ZSWIM6: variants seen among roughly 807,000 people sequenced by gnomAD.
ZSWIM6 encodes zinc finger SWIM-type containing 6.
Under a neutral mutation model 113.2 loss-of-function variants are expected in ZSWIM6, and 9 were observed. The observed-to-expected ratio is 0.08, with a 90% CI of 0.05 to 0.14. The LOEUF (loss-of-function observed/expected upper bound fraction) is 0.14. ZSWIM6 is among the 10% of genes least tolerant of loss of function. ZSWIM6 has a pLI of 1.00. For missense variants in ZSWIM6, 1,162 were observed against 1,552.2 expected (o/e 0.75, Z 4.22); for synonymous variants, 611 against 606.5 (o/e 1.01, Z -0.11).
intron 3 of ZSWIM6, among the ~76,000 whole-genome samples, chr5:61,493,715 T>G (rs564918691): frequency 6.6e-6 from 1 of 152,304 alleles, no homozygotes; most frequent in South Asian, 2.1e-4. Flanking sequence ...CTTGCTTAAA[T>G]CTGTTTTGGT....
At chr5:61,437,854 G>A (rs1746742629) in intron 1 of ZSWIM6, among the ~76,000 whole-genome samples, 1 of 151,786 alleles carries the variant, frequency 6.6e-6, no homozygotes, top group African/African-American at 2.4e-5. Flanking sequence ...AGTAACTATG[G>A]TTAGTAACTT....
intron 1 of ZSWIM6, among the ~76,000 whole-genome samples, chr5:61,367,302 G>A (rs969191234): frequency 1.1e-4 from 16 of 151,972 alleles, no homozygotes; most frequent in Non-Finnish European, 2.2e-4. Context: ...TGTAGCCCAG[G>A]CTAGGTACAG....
chr5:61,355,558 A>G (rs1386819938), intron 1 of ZSWIM6, among the ~76,000 whole-genome samples: 1 of 152,132 alleles, frequency 6.6e-6, no homozygotes, highest in Non-Finnish European at 1.5e-5. Context: ...AGAGAACAAT[A>G]CATTTAAAGC....
intron 1 of ZSWIM6, chr5:61,375,897 G>A: frequency 1.2e-6 from 1 of 854,842 alleles, no homozygotes; most frequent in Non-Finnish European, 1.8e-6. Context: ...AAAGTGCAAT[G>A]TCTGAGGAAA....
At chr5:61,459,384 ATGCTT>A (rs1398354713) in intron 1 of ZSWIM6, among the ~76,000 whole-genome samples, 2 of 152,176 alleles carry the variant, frequency 1.3e-5, no homozygotes, top group Admixed American at 1.3e-4. Context: ...TATATTATAG[ATGCTT>A]TGCTTTCAGA....
chr5:61,454,560 T>C (rs1747159125), intron 1 of ZSWIM6, among the ~76,000 whole-genome samples: 1 of 147,256 alleles, frequency 6.8e-6, no homozygotes, highest in Non-Finnish European at 1.5e-5. Context: ...ACCGTGCCTA[T>C]CCCTAAGTTT....
intron 1 of ZSWIM6, among the ~76,000 whole-genome samples, chr5:61,344,691 G>A (rs1342345517): frequency 6.6e-6 from 1 of 152,154 alleles, no homozygotes; most frequent in Non-Finnish European, 1.5e-5. Context: ...ATAAAGTTGA[G>A]GTCAGAAGGA....
chr5:61,526,879 GA>G (rs1749300110), intron 7 of ZSWIM6, among the ~76,000 whole-genome samples: 1 of 152,148 alleles, frequency 6.6e-6, no homozygotes, highest in Non-Finnish European at 1.5e-5. Flanking sequence ...TAGAGTTGTT[GA>G]GAAGATTAAA....
chr5:61,480,989 C>T (rs575198176), intron 2 of ZSWIM6, among the ~76,000 whole-genome samples: 1 of 152,148 alleles, frequency 6.6e-6, no homozygotes, highest in Admixed American at 6.5e-5. Context: ...CTAAATTCTG[C>T]CTGAATAGGT....
intron 2 of ZSWIM6, among the ~76,000 whole-genome samples, chr5:61,478,081 G>T (rs1747752113): frequency 6.6e-6 from 1 of 152,130 alleles, no homozygotes. Context: ...TCCTAGGGAG[G>T]TAATTTGATT....
intron 7 of ZSWIM6, among the ~76,000 whole-genome samples, chr5:61,527,245 A>G (rs1011366152): frequency 2.6e-5 from 4 of 152,278 alleles, no homozygotes; most frequent in African/African-American, 9.6e-5. Flanking sequence ...TTCTATAGGT[A>G]TAAATTTTAT....
intron 1 of ZSWIM6, among the ~76,000 whole-genome samples, chr5:61,344,313 G>A (rs1404193560): frequency 6.6e-6 from 1 of 152,102 alleles, no homozygotes; most frequent in Non-Finnish European, 1.5e-5. Context: ...GTCTTTTCAC[G>A]ATTGTGGTTT....
At chr5:61,345,223 C>G (rs1391722714) in intron 1 of ZSWIM6, among the ~76,000 whole-genome samples, 1 of 152,138 alleles carries the variant, frequency 6.6e-6, no homozygotes, top group African/African-American at 2.4e-5. Context: ...ACAGTTATCC[C>G]TGTTCTCTTG....
rs2112011668 is a variant in ZSWIM6, at chr5:61,332,338, C to CGGA, written c.68_69insAGG (p.Gly26dup). 2 of 1,069,154 alleles carry CGGA rather than the reference C, an allele frequency of 1.9e-6. No homozygotes were observed. Among genetic ancestry groups the CGGA allele is most frequent in the Admixed American group, 5.3e-5 (1 of 18,944 alleles). The allele number at this position is 1,069,154 out of a possible 1,614,324, so 66.2% of individuals were successfully genotyped here. ...TTTGCTGCCGGCCGGGCGGCGGCGG[C>CGGA]GGCGGCGGGGGCAGCAGCGGCGGCG... On this transcript the variant is annotated inframe_insertion, in exon 1 of 14. Coordinates refer to ENST00000252744, the MANE Select transcript of ZSWIM6 (RefSeq NM_020928.2).
At chr5:61,469,875 T>A (rs1747527367) in intron 1 of ZSWIM6, among the ~76,000 whole-genome samples, 1 of 152,112 alleles carries the variant, frequency 6.6e-6, no homozygotes, top group Non-Finnish European at 1.5e-5. Context: ...GCCTGGCTGA[T>A]TTTTTGTATT....
At chr5:61,365,749 C>G (rs1193767523) in intron 1 of ZSWIM6, among the ~76,000 whole-genome samples, 1 of 152,146 alleles carries the variant, frequency 6.6e-6, no homozygotes, top group Non-Finnish European at 1.5e-5. Flanking sequence ...TGCTGACTTA[C>G]TAGAGAGTGT....
At chr5:61,386,219 A>G (rs1745589307) in intron 1 of ZSWIM6, among the ~76,000 whole-genome samples, 2 of 152,334 alleles carry the variant, frequency 1.3e-5, no homozygotes, top group South Asian at 4.1e-4. Flanking sequence ...GACCTCAGAA[A>G]GACCTTTGGT....
intron 1 of ZSWIM6, among the ~76,000 whole-genome samples, chr5:61,369,807 A>G (rs1351474165): frequency 6.6e-6 from 1 of 152,194 alleles, no homozygotes; most frequent in Non-Finnish European, 1.5e-5. Flanking sequence ...GGAGATGTTA[A>G]GATTTGCAAT....
intron 1 of ZSWIM6, among the ~76,000 whole-genome samples, chr5:61,442,598 A>G (rs1258852495): frequency 6.6e-6 from 1 of 152,216 alleles, no homozygotes; most frequent in Non-Finnish European, 1.5e-5. Context: ...GTCATGTGAA[A>G]TGCAACAAGA....
Sources: gnomAD v4.1 joint callset for allele counts (sites outside exome capture counted in the v4.1 genomes callset) on GRCh38, gnomAD v4.1.1 for gene constraint, MANE v1.5 for transcripts, NCBI Gene and HGNC (gene_info 2026-07-23, HGNC 2026-07-21) for gene names.